Variants in AMPH observed in about 807,000 individuals in gnomAD.
The protein encoded by AMPH is amphiphysin.
A neutral mutation model predicts 99.1 loss-of-function variants in AMPH; 49 were observed. The observed-to-expected ratio is 0.49, with a 90% CI of 0.39 to 0.63. The LOEUF (loss-of-function observed/expected upper bound fraction) is 0.63. AMPH is among the 20% of genes least tolerant of loss of function. The pLI, the probability that AMPH is intolerant of heterozygous loss-of-function variation, is 0.00. For missense variants in AMPH, 759 were observed against 863.4 expected, an observed-to-expected ratio of 0.88 and a Z score of 1.52; for synonymous variants, 314 against 317.3, an observed-to-expected ratio of 0.99 and a Z score of 0.11.
chr7:38,620,251 C>T (rs954750330), intron 1 of AMPH, among the ~76,000 whole-genome samples: 1 of 151,906 alleles, frequency 6.6e-6, no homozygotes, highest in African/African-American at 2.4e-5. Flanking sequence ...TTCTCTCTCG[C>T]TCGTTCACTC....
intron 17 of AMPH, among the ~76,000 whole-genome samples, chr7:38,407,052 A>C (rs77928895): frequency 0.41 from 6,093 of 14,976 alleles, 635 homozygotes; most frequent in Middle Eastern, 0.5. Context: ...CTCTCTCTAT[A>C]TATATATATA....
chr7:38,629,260 A>T (rs2129074024), intron 1 of AMPH, among the ~76,000 whole-genome samples: 1 of 152,256 alleles, frequency 6.6e-6, no homozygotes, highest in South Asian at 2.1e-4. Context: ...TCCTGATGCT[A>T]CACAGACTCA....
intron 11 of AMPH, among the ~76,000 whole-genome samples, chr7:38,439,362 T>A (rs962941402): frequency 6.6e-6 from 1 of 152,228 alleles, no homozygotes; most frequent in African/African-American, 2.4e-5. Context: ...GGCTGGTTTT[T>A]TCAGGCTCAA....
chr7:38,435,552 C>T (rs991322219), intron 12 of AMPH, among the ~76,000 whole-genome samples: 1 of 152,212 alleles, frequency 6.6e-6, no homozygotes, highest in African/African-American at 2.4e-5. Context: ...AGTTAACTTC[C>T]TTCTATTAGC....
intron 1 of AMPH, among the ~76,000 whole-genome samples, chr7:38,619,813 A>C (rs1205327264): frequency 1.3e-5 from 2 of 152,208 alleles, no homozygotes; most frequent in Non-Finnish European, 2.9e-5. Context: ...CCATGGTCAC[A>C]AGCATTTTGT....
intron 1 of AMPH, among the ~76,000 whole-genome samples, chr7:38,562,967 A>G (rs918637906): frequency 6.6e-6 from 1 of 152,218 alleles, no homozygotes; most frequent in African/African-American, 2.4e-5. Flanking sequence ...CCTGAATTCA[A>G]CCCTAGTACC....
At chr7:38,557,944 A>T (rs903857141) in intron 1 of AMPH, among the ~76,000 whole-genome samples, 2 of 151,826 alleles carry the variant, frequency 1.3e-5, no homozygotes, top group East Asian at 3.9e-4. Context: ...GACCCCAGCT[A>T]CTCAGGAGGC....
intron 16 of AMPH, 69 bp from the exon 17 acceptor site, chr7:38,418,019 C>T: frequency 1.3e-6 from 2 of 1,506,004 alleles, no homozygotes; most frequent in Non-Finnish European, 1.8e-6. Context: ...TTACAGAATA[C>T]TGGACAATTA....
intron 17 of AMPH, among the ~76,000 whole-genome samples, chr7:38,405,069 GA>G (rs1011272589): frequency 1.2e-4 from 18 of 148,160 alleles, no homozygotes; most frequent in Admixed American, 5.4e-4. Flanking sequence ...CCTTCTTAAA[GA>G]AAAAAAAAAT....
chr7:38,430,858 C>A (rs1021026348), intron 13 of AMPH, among the ~76,000 whole-genome samples: 1 of 152,176 alleles, frequency 6.6e-6, no homozygotes, highest in Non-Finnish European at 1.5e-5. Context: ...AGTATGAGCC[C>A]TGCAACTGCA....
At chr7:38,496,567 A>G (rs753190490) in intron 3 of AMPH, among the ~76,000 whole-genome samples, 1 of 152,152 alleles carries the variant, frequency 6.6e-6, no homozygotes, top group Non-Finnish European at 1.5e-5. Context: ...AGCAAATAGG[A>G]GACAAAACCT....
At chr7:38,420,075 C>T (rs549017059) in intron 16 of AMPH, among the ~76,000 whole-genome samples, 2 of 152,132 alleles carry the variant, frequency 1.3e-5, no homozygotes, top group African/African-American at 4.8e-5. Flanking sequence ...TTATGTTCCC[C>T]ACAAGTCACA....
chr7:38,540,806 C>T (rs1790781167), intron 1 of AMPH, among the ~76,000 whole-genome samples: 1 of 145,748 alleles, frequency 6.9e-6, no homozygotes, highest in Admixed American at 7.0e-5. Flanking sequence ...CCAGGCATGG[C>T]TTGTTACTGA....
At chr7:38,445,061 A>T (rs1384556153) in intron 11 of AMPH, among the ~76,000 whole-genome samples, 1 of 146,446 alleles carries the variant, frequency 6.8e-6, no homozygotes, top group Admixed American at 6.9e-5. Flanking sequence ...GATGGTATAT[A>T]CATATATATA....
chr7:38,592,548 T>C (rs1199774684), intron 1 of AMPH, among the ~76,000 whole-genome samples: 2 of 152,064 alleles, frequency 1.3e-5, no homozygotes, highest in Non-Finnish European at 2.9e-5. Flanking sequence ...CTGACCAATA[T>C]GGTGAAACCC....
chr7:38,532,975 G>A (rs946470184), intron 2 of AMPH, among the ~76,000 whole-genome samples: 5 of 152,314 alleles, frequency 3.3e-5, no homozygotes, highest in Middle Eastern at 3.4e-3. Flanking sequence ...TCCTTAGGTA[G>A]GGAAAACTGT....
At chr7:38,515,750 G>C (rs1421439214) in intron 2 of AMPH, among the ~76,000 whole-genome samples, 1 of 152,228 alleles carries the variant, frequency 6.6e-6, no homozygotes, top group Non-Finnish European at 1.5e-5. Context: ...ATGAGGGAAA[G>C]TTTGGAACTT....
At chr7:38,387,758 T>G (rs1398845469) in intron 20 of AMPH, among the ~76,000 whole-genome samples, 1 of 151,108 alleles carries the variant, frequency 6.6e-6, no homozygotes, top group Non-Finnish European at 1.5e-5. Flanking sequence ...TCTAAGGATC[T>G]CAGTGATTTT....
rs1785889682 is a variant in AMPH, at chr7:38,428,915, A to G, written c.1182+927T>C. 3.2e-6 allele frequency: 3 copies of G among 932,862 alleles called. No homozygotes were observed. In the African/African-American group the frequency reaches 5.1e-5, roughly 16 times the overall value. 57.8% of individuals were successfully genotyped at this position (932,862 alleles called of 1,614,324 possible). A position where few individuals can be genotyped will look rare whatever the true frequency, so the allele number is the denominator to read the frequency against. ...TTAGATCTTTTCTAGTTTCCACTTC[A>G]TTAATTTTTAAGGTCTTATGGTCTT... On this transcript the variant is annotated intron_variant, in intron 14 of 20. Coordinates refer to ENST00000356264, the MANE Select transcript of AMPH (RefSeq NM_001635.4).
Sources: gnomAD v4.1 joint callset for allele counts (sites outside exome capture counted in the v4.1 genomes callset) on GRCh38, gnomAD v4.1.1 for gene constraint, MANE v1.5 for transcripts, NCBI Gene and HGNC (gene_info 2026-07-23, HGNC 2026-07-21) for gene names.